Variants in HLCS observed in about 807,000 individuals in gnomAD.
HLCS encodes the protein biotin--protein ligase.
In HLCS, 53 loss-of-function variants were observed where a neutral mutation model predicts 75.0. The observed-to-expected ratio is 0.71, with a 90% CI of 0.57 to 0.89. The LOEUF is 0.89. Ranked by LOEUF, HLCS falls within the 40% of genes least tolerant of loss-of-function variation. The pLI is 0.00. For missense variants in HLCS, 966 were observed against 1,074.0 expected (o/e 0.90, Z 1.41); for synonymous variants, 431 against 428.6 (o/e 1.01, Z -0.07).
At chr21:36,882,682 C>T (rs62223858) in intron 6 of HLCS, among the ~76,000 whole-genome samples, 15,177 of 146,572 alleles carry the variant, frequency 0.1, 982 homozygotes, top group Middle Eastern at 0.15. Context: ...AGGATGGCCT[C>T]GATCTCCTGA....
intron 6 of HLCS, chr21:36,805,917 A>G (rs937318229): frequency 1.3e-5 from 2 of 152,198 alleles, no homozygotes; most frequent in Admixed American, 1.3e-4. Flanking sequence ...GTGATGACCT[A>G]CTTTTCTCCA....
chr21:36,837,803 G>A lies in HLCS; in HGVS notation c.1892+59057C>T, dbSNP rs147723345. Among the ~76,000 whole-genome samples, 1,151 of 152,136 alleles carry A rather than the reference G, an allele frequency of 7.6e-3. 19 individuals carry two copies. The highest frequency in any genetic ancestry group is 0.026 in the African/African-American group (1,069 of 41,456). Reference sequence around the variant, plus strand: ...AAGCCACTCCTGCCTGGGTGGGCTCGGTCCAGCCCAGCCCCTGTTGATACT... The same window carrying A: ...AAGCCACTCCTGCCTGGGTGGGCTCAGTCCAGCCCAGCCCCTGTTGATACT... On this transcript the variant is annotated intron_variant, in intron 6 of 10. Transcript: ENST00000674895.
chr21:36,962,105 G>A lies in HLCS; in HGVS notation c.261C>T (p.His87=), dbSNP rs951557529. The part of the protein sequence containing the change: ...LVSPFILEAE[H]IAFVTESIWV... ...AAATGCTCTCCGTCACAAATGCTAT[G>A]TGTTCTGCTTCAAGTATAAAAGGAG... Residue 87 remains histidine (H), a synonymous_variant, in exon 2 of 11, where the codon CAC becomes CAT. Coordinates refer to ENST00000674895, the MANE Select transcript of HLCS (RefSeq NM_001352514.2). 4 of 1,288,788 alleles carry A rather than the reference G, an allele frequency of 3.1e-6. No individual in the cohort carries two copies. The highest frequency in any genetic ancestry group is 2.3e-5 in the Admixed American group (1 of 43,530). 79.8% of individuals were successfully genotyped at this position (1,288,788 alleles called of 1,614,324 possible).
intron 6 of HLCS, among the ~76,000 whole-genome samples, chr21:36,810,205 T>A (rs1470932540): frequency 6.6e-6 from 1 of 152,244 alleles, no homozygotes; most frequent in African/African-American, 2.4e-5. Context: ...GTATCCCAGA[T>A]GTGAGGAAGG....
chr21:36,914,877 A>G (rs2065865012), intron 5 of HLCS, among the ~76,000 whole-genome samples: 1 of 152,184 alleles, frequency 6.6e-6, no homozygotes, highest in Non-Finnish European at 1.5e-5. Flanking sequence ...AACGCCCGCC[A>G]TTTGTCTCAG....
At chr21:36,915,135 G>A (rs773557925) in intron 5 of HLCS, among the ~76,000 whole-genome samples, 35 of 152,202 alleles carry the variant, frequency 2.3e-4, no homozygotes, top group Non-Finnish European at 5.9e-5. Flanking sequence ...GCTTCTTGTG[G>A]GGGCAGGGGA....
intron 6 of HLCS, among the ~76,000 whole-genome samples, chr21:36,879,692 GAGGCC>G (rs1249833163): frequency 6.6e-6 from 1 of 152,066 alleles, no homozygotes; most frequent in African/African-American, 2.4e-5. Flanking sequence ...AGAACTTTGG[GAGGCC>G]AGGAATTCAA....
chr21:36,756,528 G>A lies in HLCS; in HGVS notation c.2450+14C>T. ...TAAAGGAGTTGAAAAGAATGAAGATGAGCCAGCACTGACCTGTGGACCCAG... is the reference window on the plus strand; with the variant it reads ...TAAAGGAGTTGAAAAGAATGAAGATAAGCCAGCACTGACCTGTGGACCCAG... On this transcript the variant is annotated intron_variant, in intron 10 of 10. Transcript: ENST00000674895. 1 of 1,418,238 alleles carries A rather than the reference G, an allele frequency of 7.1e-7. No homozygotes were observed. The highest frequency in any genetic ancestry group is 9.6e-7 in the Non-Finnish European group (1 of 1,036,338). 87.9% of individuals were successfully genotyped at this position (1,418,238 alleles called of 1,614,324 possible). A position where few individuals can be genotyped will look rare whatever the true frequency, so the allele number is the denominator to read the frequency against.
intron 10 of HLCS, 66 bp from the exon 11 acceptor site, chr21:36,754,483 A>G: frequency 6.6e-7 from 1 of 1,518,754 alleles, no homozygotes; most frequent in Non-Finnish European, 9.0e-7. Flanking sequence ...CAATGAGCTG[A>G]AGAATAATCC....
chr21:36,959,268 G>A (rs932828354), intron 2 of HLCS, among the ~76,000 whole-genome samples: 4 of 152,228 alleles, frequency 2.6e-5, no homozygotes, highest in African/African-American at 9.6e-5. Flanking sequence ...AACCCGGCCA[G>A]GTGGGTGCTG....
At chr21:36,955,647 ATTAAT>A (rs2067900761) in intron 2 of HLCS, among the ~76,000 whole-genome samples, 1 of 152,230 alleles carries the variant, frequency 6.6e-6, no homozygotes, top group African/African-American at 2.4e-5. Flanking sequence ...GTAAGCTAAG[ATTAAT>A]TTATTATCGA....
intron 6 of HLCS, among the ~76,000 whole-genome samples, chr21:36,845,730 C>T (rs1450012179): frequency 6.6e-6 from 1 of 152,126 alleles, no homozygotes; most frequent in Non-Finnish European, 1.5e-5. Context: ...CTTAAAGCTG[C>T]ACGTGTAATC....
rs2089288514 is a variant in HLCS, at chr21:36,749,174, G to A, written c.*5072C>T. On this transcript the variant is annotated 3_prime_UTR_variant, in exon 11 of 11. Coordinates refer to ENST00000674895, the MANE Select transcript of HLCS (RefSeq NM_001352514.2). Reference sequence around the variant, plus strand: ...AGCACCAGCAGTGTTTAAAAAATGAGCTTCCATTAATTTTTACTTTTTATG... The same window carrying A: ...AGCACCAGCAGTGTTTAAAAAATGAACTTCCATTAATTTTTACTTTTTATG... The A allele has an allele frequency of 6.6e-6, 1 of 152,618 alleles. No homozygotes were observed. The highest frequency in any genetic ancestry group is 2.1e-4 in the South Asian group (1 of 4,828). 9.5% of individuals were successfully genotyped at this position (152,618 alleles called of 1,614,324 possible). A position where few individuals can be genotyped will look rare whatever the true frequency, so the allele number is the denominator to read the frequency against.
intron 6 of HLCS, among the ~76,000 whole-genome samples, chr21:36,836,048 C>G (rs1272017651): frequency 6.6e-6 from 1 of 152,052 alleles, no homozygotes. Context: ...CACTCCTATC[C>G]CCAGTGCCAC....
At chr21:36,980,964 C>CGTA (rs2069105903) in intron 1 of HLCS, 1 of 128,920 alleles carries the variant, frequency 7.8e-6, no homozygotes, top group African/African-American at 2.8e-5. Flanking sequence ...CTCGCCAGCA[C>CGTA]GGCATCCGCG....
intron 2 of HLCS, chr21:36,943,416 G>C (rs2067239480): frequency 6.5e-6 from 1 of 153,234 alleles, no homozygotes; most frequent in South Asian, 2.1e-4. Context: ...CTCCAAAATG[G>C]AAATAGATCC....
At chr21:36,862,455 A>G (rs1014680694) in intron 6 of HLCS, among the ~76,000 whole-genome samples, 3 of 152,170 alleles carry the variant, frequency 2.0e-5, no homozygotes, top group Non-Finnish European at 4.4e-5. Context: ...AATACTTGTT[A>G]CTGCCTTTTT....
chr21:36,951,761 C>A (rs16997934), intron 2 of HLCS, among the ~76,000 whole-genome samples: 3,174 of 152,306 alleles, frequency 0.021, 117 homozygotes, highest in African/African-American at 0.068. Flanking sequence ...GTATTAAGTT[C>A]TTTGGGTCAA....
rs529168049 is a variant in HLCS at position 36,774,077 on chromosome 21, G to A, written c.1893-6792C>T. ...TGAACAGTGGTTTCTGCTAAAAAAC[G>A]CCTCCACCGTAAAATGGAGTGAGGC... On this transcript the variant is annotated intron_variant, in intron 6 of 10. Transcript: ENST00000674895. Among the ~76,000 whole-genome samples, 222 of 152,154 alleles carry A rather than the reference G, an allele frequency of 1.5e-3. 1 individual carries two copies. The highest frequency in any genetic ancestry group is 5.1e-3 in the African/African-American group (211 of 41,518).
Sources: allele counts gnomAD v4.1 joint callset (sites outside exome capture counted in the v4.1 genomes callset), GRCh38; gene constraint gnomAD v4.1.1; transcripts MANE v1.5; gene names NCBI Gene and HGNC (gene_info 2026-07-23, HGNC 2026-07-21).